The following CFAP46 variants were observed in gnomAD, a reference collection of about 807,000 sequenced individuals.
CFAP46 encodes the protein cilia- and flagella-associated protein 46.
A neutral mutation model predicts 325.7 loss-of-function variants in CFAP46; 245 were observed. The observed-to-expected ratio is 0.75, with a 90% CI of 0.68 to 0.84. The LOEUF is 0.84. Ranked by LOEUF, CFAP46 falls within the 40% of genes least tolerant of loss-of-function variation. The probability of loss-of-function intolerance (pLI) is 0.00; values close to 1 mark genes in which losing one functional copy is unlikely to be tolerated. For missense variants in CFAP46, 3,346 were observed against 3,543.0 expected (o/e 0.94, Z 1.41); for synonymous variants, 1,523 against 1,495.9 (o/e 1.02, Z -0.42).
intron 38 of CFAP46, among the ~76,000 whole-genome samples, 152 bp downstream of exon 38, chr10:132,858,919 G>A: frequency 6.6e-6 from 1 of 152,108 alleles, no homozygotes; most frequent in Non-Finnish European, 1.5e-5. Flanking sequence ...GTGTGGGTGA[G>A]GCGGCAGCCG....
chr10:132,921,011 G>A (rs2135600251), intron 13 of CFAP46, among the ~76,000 whole-genome samples: 1 of 152,380 alleles, frequency 6.6e-6, no homozygotes, highest in African/African-American at 2.4e-5. Flanking sequence ...GGCAGCATCT[G>A]AGGGCGGTGG....
rs932562391 is a variant in CFAP46 at position 132,886,357 on chromosome 10, C to T, written c.3305-398G>A. ...GGCCGAGGACACAGCGCCACGTGCA[C>T]GCTCGGGAGTCCTCATGCTTGGTGC... On this transcript the variant is annotated intron_variant, in intron 25 of 57. Coordinates refer to ENST00000368586, the MANE Select transcript of CFAP46 (RefSeq NM_001200049.3). The surrounding 1 kb of genome is among the most constrained non-coding windows in gnomAD (Gnocchi z 5.8). 6.6e-6 allele frequency among the ~76,000 whole-genome samples: 1 copy of T among 152,186 alleles called. No individual in the cohort carries two copies. Among genetic ancestry groups the T allele is most frequent in the Non-Finnish European group, 1.5e-5 (1 of 68,022 alleles).
At position 132,817,745 on chromosome 10, in the gene CFAP46, G is replaced by C. The variant is rs1847721196; in HGVS notation, c.7118-2831C>G. On this transcript the variant is annotated intron_variant, in intron 50 of 57. Transcript: ENST00000368586. The surrounding 1 kb of genome is among the most constrained non-coding windows in gnomAD (Gnocchi z 4.4). Reference sequence around the variant, plus strand: ...GGCTTTCAGTGACTCTGTGGTGAGGGTTCTGTTAGTTTGTGTGGCTGCTGT... The same window carrying C: ...GGCTTTCAGTGACTCTGTGGTGAGGCTTCTGTTAGTTTGTGTGGCTGCTGT... Among the ~76,000 whole-genome samples the C allele has an allele frequency of 6.6e-6, 1 of 152,232 alleles. No individual in the cohort carries two copies. Among genetic ancestry groups the C allele is most frequent in the Non-Finnish European group, 1.5e-5 (1 of 68,054 alleles).
chr10:132,823,404 TGTGCTGTGTGCTGTGTGA>T (rs1847935960), intron 50 of CFAP46, among the ~76,000 whole-genome samples: 1 of 135,470 alleles, frequency 7.4e-6, no homozygotes, highest in African/African-American at 2.9e-5. Flanking sequence ...GTGCTGTGTG[TGTGCTGTGTGCTGTGTGA>T]GTGCTGATGT....
intron 47 of CFAP46, 104 bp downstream of exon 47, chr10:132,835,200 T>C (rs1365004181): frequency 6.8e-6 from 10 of 1,472,818 alleles, no homozygotes; most frequent in Non-Finnish European, 9.1e-6. Flanking sequence ...TTCAGCAGCC[T>C]GGCCTAGCGC....
intron 38 of CFAP46, 91 bp from the exon 39 acceptor site, chr10:132,857,879 T>A: frequency 1.8e-6 from 2 of 1,120,264 alleles, no homozygotes; most frequent in Non-Finnish European, 2.5e-6. Context: ...GTATATTTTA[T>A]TAGTGCTTAA....
At chr10:132,849,128 T>G (rs1848491830) in intron 41 of CFAP46, among the ~76,000 whole-genome samples, 1 of 152,204 alleles carries the variant, frequency 6.6e-6, no homozygotes, top group Non-Finnish European at 1.5e-5. Flanking sequence ...ACTTGACGTC[T>G]GCTCTGCCCT....
intron 44 of CFAP46, among the ~76,000 whole-genome samples, chr10:132,844,543 G>T (rs1217637501): frequency 6.6e-6 from 1 of 152,224 alleles, no homozygotes; most frequent in Non-Finnish European, 1.5e-5. Context: ...GTGCCTGGCT[G>T]AGATTCGGTG....
Position 132,939,520 on chromosome 10 carries a change from C to T in CFAP46, c.372-767G>A, listed in dbSNP as rs1216640141. 6.6e-6 allele frequency among the ~76,000 whole-genome samples: 1 copy of T among 152,192 alleles called. No homozygotes were observed. The highest frequency in any genetic ancestry group is 6.5e-5 in the Admixed American group (1 of 15,284). ...TGCCTTGTGGTCCTGGGCCGGCCAC[C>T]AGGTGGACCAGCACTGCTCAATGCC... is the stretch of plus-strand genomic sequence containing the variant. On this transcript the variant is annotated intron_variant, in intron 4 of 57. Transcript: ENST00000368586. The surrounding 1 kb of genome is among the most constrained non-coding windows in gnomAD (Gnocchi z 4.6).
At chr10:132,848,414 G>C (rs1275004314) in intron 41 of CFAP46, among the ~76,000 whole-genome samples, 1 of 152,132 alleles carries the variant, frequency 6.6e-6, no homozygotes, top group Non-Finnish European at 1.5e-5. Flanking sequence ...ACCAAGCTGC[G>C]GCAGCACTGG....
rs978543353 is a variant in CFAP46, at chr10:132,876,387, C to T, written c.4362+425G>A. Among the ~76,000 whole-genome samples the T allele has an allele frequency of 3.9e-5, 6 of 152,242 alleles. No homozygotes were observed. The highest frequency in any genetic ancestry group is 1.4e-4 in the African/African-American group (6 of 41,464). On this transcript the variant is annotated intron_variant, in intron 31 of 57. Coordinates refer to ENST00000368586, the MANE Select transcript of CFAP46 (RefSeq NM_001200049.3). The surrounding 1 kb of genome is among the most constrained non-coding windows in gnomAD (Gnocchi z 4.1). ...CACAAAAGAGGAGGCCACGTGACCA[C>T]AGAGGCTGACCGGGATGAGGAAAGA...
At chr10:132,810,566 A>T in intron 56 of CFAP46, 77 bp from the exon 57 acceptor site, 1 of 1,307,428 alleles carries the variant, frequency 7.6e-7, no homozygotes, top group Non-Finnish European at 1.1e-6. Context: ...CAGGCCCGGG[A>T]TGCCAGGGGC....
At chr10:132,936,853 A>C (rs752385034) in intron 7 of CFAP46, 108 bp downstream of exon 7, 5 of 533,126 alleles carry the variant, frequency 9.4e-6, no homozygotes, top group Non-Finnish European at 1.5e-5. Context: ...GCAACTCCAG[A>C]CTCACAGGCC....
chr10:132,811,259 C>T lies in CFAP46; in HGVS notation c.7502-228G>A, dbSNP rs536595156. ...AGACCCCTTCACAGCCTCCTCCCGG[C>T]GACTGTGCCGGGCAACAGGAAGTGG... is the stretch of plus-strand genomic sequence containing the variant. On this transcript the variant is annotated intron_variant, in intron 55 of 57. Transcript: ENST00000368586. 4.6e-5 allele frequency among the ~76,000 whole-genome samples: 7 copies of T among 152,334 alleles called. No individual in the cohort carries two copies. The South Asian group carries it at 6.2e-4, about 14-fold the overall frequency.
rs1848416672 is a variant in CFAP46, at chr10:132,845,401, G to A, written c.6438+656C>T. 2.6e-5 allele frequency among the ~76,000 whole-genome samples: 4 copies of A among 152,272 alleles called. No homozygotes were observed. The South Asian group carries it at 8.3e-4, about 32-fold the overall frequency. ...CTCCTGTCAGCCAGTGGCGGATGCT[G>A]CCCCCGCCCCACCCTCACCAGCAAA... On this transcript the variant is annotated intron_variant, in intron 44 of 57. Transcript: ENST00000368586.
chr10:132,941,321 C>T (rs536507118), intron 3 of CFAP46, among the ~76,000 whole-genome samples: 17 of 152,362 alleles, frequency 1.1e-4, no homozygotes, highest in Non-Finnish European at 1.9e-4. Flanking sequence ...CACCCCAGCT[C>T]CCCTGTGCCC....
chr10:132,844,065 G>C (rs1311194914), intron 44 of CFAP46, among the ~76,000 whole-genome samples: 4 of 127,942 alleles, frequency 3.1e-5, no homozygotes, highest in Admixed American at 3.0e-4. Context: ...GGTCTCGGTG[G>C]GTGTTCCCAG....
In CFAP46 at chr10:132,846,087, A is replaced by G. The variant is rs1848430322; in HGVS notation, c.6408T>C (p.Arg2136=). 6.3e-7 allele frequency: 1 copy of G among 1,599,554 alleles called. No homozygotes were observed. Among genetic ancestry groups the G allele is most frequent in the Non-Finnish European group, 8.5e-7 (1 of 1,177,648 alleles). ...QDRTTTSLGA[R]VEQRLAAVSK... The stretch of plus-strand genomic sequence containing the variant: ...ACACGGCGGCCAGCCTCTGCTCCAC[A>G]CGGGCGCCCAGGCTGGTGGTGGTCC... The change falls in exon 44 of 58, where the codon CGT becomes CGC. Residue 2136 remains arginine (R), a synonymous_variant. Transcript: ENST00000368586.
chr10:132,912,781 C>T lies in CFAP46; in HGVS notation c.2373G>A (p.Ala791=), dbSNP rs555094750. 6.5e-5 allele frequency: 101 copies of T among 1,550,154 alleles called. No homozygotes were observed. In the African/African-American group the frequency reaches 8.1e-4, roughly 12 times the overall value. ...VMLVTLCNTL[A]RGLIISWIPV... Reference sequence around the variant, plus strand: ...GAATCCAGCTGATGATCAGGCCTCGCGCCAAGGTGTTGCAGAGCGTCACCA... The same window carrying T: ...GAATCCAGCTGATGATCAGGCCTCGTGCCAAGGTGTTGCAGAGCGTCACCA... Residue 791 remains alanine (A), a synonymous_variant, in exon 19 of 58, where the codon GCG becomes GCA. Coordinates refer to ENST00000368586, the MANE Select transcript of CFAP46 (RefSeq NM_001200049.3).
Sources: gnomAD v4.1 joint callset for allele counts (sites outside exome capture counted in the v4.1 genomes callset) on GRCh38, gnomAD v4.1.1 for gene constraint, Gnocchi (gnomAD v3.1) non-coding constraint, MANE v1.5 for transcripts, NCBI Gene and HGNC (gene_info 2026-07-23, HGNC 2026-07-21) for gene names.